Variants in ADCY7 observed in about 807,000 individuals in gnomAD.
ADCY7 encodes the protein adenylate cyclase 7.
Under a neutral mutation model 120.6 loss-of-function variants are expected in ADCY7, and 72 were observed. The ratio of observed to expected loss-of-function variants is 0.60; its 90% confidence interval spans 0.49 to 0.73. ADCY7 has a LOEUF of 0.73. ADCY7 is among the 30% of genes least tolerant of loss of function. The probability of loss-of-function intolerance (pLI) is 0.00; values close to 1 mark genes in which losing one functional copy is unlikely to be tolerated. For missense variants in ADCY7, 1,227 were observed against 1,486.0 expected (o/e 0.83, Z 2.87); for synonymous variants, 661 against 628.0 (o/e 1.05, Z -0.78).
chr16:50,314,324 C>T lies in ADCY7; in HGVS notation c.2889C>T (p.Val963=). ...AGCGGCAGCATGCCCACATTGGTGT[C>T]ATGGTGGAGTTCAGCATCGCCCTGA... ...ELERQHAHIG[V]MVEFSIALMS... Residue 963 remains valine, a synonymous_variant, in exon 24 of 26, where the codon GTC becomes GTT. Coordinates refer to ENST00000673801, the MANE Select transcript of ADCY7 (RefSeq NM_001114.5). 1 of 1,614,044 alleles carries T rather than the reference C, an allele frequency of 6.2e-7. No homozygotes were observed.
rs763867267 is a variant in ADCY7, at chr16:50,307,081, A to G, written c.1784A>G (p.His595Arg). Residue 595 changes from histidine to arginine, a missense_variant, in exon 15 of 26, where the codon CAC becomes CGC. Physicochemically the swap from His to Arg is conservative, Grantham distance 29. Coordinates refer to ENST00000673801, the MANE Select transcript of ADCY7 (RefSeq NM_001114.5). The part of the protein sequence containing the change: ...YRLAPIPRAR[H>R]DFACASLIFV... ...CTGGCACCCATCCCCCGGGCCCGCC[A>G]CGACTTTGCCTGCGCCAGCCTGATC... 9.9e-6 allele frequency: 16 copies of G among 1,610,894 alleles called. No individual in the cohort carries two copies. In the Admixed American group the frequency reaches 1.5e-4, roughly 15 times the overall value.
intron 24 of ADCY7, chr16:50,314,691 C>T: frequency 2.2e-6 from 1 of 463,800 alleles, no homozygotes; most frequent in Admixed American, 3.7e-5. Flanking sequence ...AGTTACTAAA[C>T]CTAAATAGTT....
chr16:50,288,644 A>C (rs2034737083), intron 2 of ADCY7, among the ~76,000 whole-genome samples: 1 of 150,576 alleles, frequency 6.6e-6, no homozygotes, highest in Non-Finnish European at 1.5e-5. Context: ...TGCCCAGCTA[A>C]TTTTTGTATT....
At position 50,288,421 on chromosome 16, in the gene ADCY7, CTCTTCTGTAAAATGCTTA is replaced by C. The variant is rs955365666; in HGVS notation, c.171+88_171+105del. On this transcript the variant is annotated intron_variant, in intron 2 of 25. Coordinates refer to ENST00000673801, the MANE Select transcript of ADCY7 (RefSeq NM_001114.5). Reference sequence around the variant, plus strand: ...GGCCAAGCTGCTATCTTCTCTTAGCCTCTTCTGTAAAATGCTTATCTTCTGTAAAATGCTATGCTTTTT... The same window carrying C: ...GGCCAAGCTGCTATCTTCTCTTAGCCTCTTCTGTAAAATGCTATGCTTTTT... The C allele has an allele frequency of 3.5e-5, 48 of 1,388,024 alleles. No homozygotes were observed. The South Asian group carries it at 4.1e-4, about 12-fold the overall frequency. 86.0% of individuals were successfully genotyped at this position (1,388,024 alleles called of 1,614,324 possible). A position where few individuals can be genotyped will look rare whatever the true frequency, so the allele number is the denominator to read the frequency against.
At chr16:50,292,081 C>T (rs1025725494) in intron 4 of ADCY7, among the ~76,000 whole-genome samples, 184 bp downstream of exon 4, 29 of 152,234 alleles carry the variant, frequency 1.9e-4, no homozygotes, top group African/African-American at 6.5e-4. Context: ...GCCCTGCCCT[C>T]TGGCCTTTGC....
intron 7 of ADCY7, among the ~76,000 whole-genome samples, chr16:50,296,091 C>G (rs1310571330): frequency 6.6e-6 from 1 of 152,270 alleles, no homozygotes; most frequent in South Asian, 2.1e-4. Context: ...CTTGCTCTGT[C>G]ACCTAGCGTG....
rs976163682 is a variant in ADCY7, at chr16:50,310,554, G to C, written c.2161-133G>C. ...ACACTCTTAGGTCTCATTGTTTTTTGTTGAGAAGGGAGGTGGTAAGGCAAG... is the reference window on the plus strand; with the variant it reads ...ACACTCTTAGGTCTCATTGTTTTTTCTTGAGAAGGGAGGTGGTAAGGCAAG... On this transcript the variant is annotated intron_variant, in intron 18 of 25. Transcript: ENST00000673801. 5.8e-6 allele frequency: 9 copies of C among 1,553,442 alleles called. No individual in the cohort carries two copies. The African/African-American group carries it at 9.6e-5, about 17-fold the overall frequency.
intron 1 of ADCY7, among the ~76,000 whole-genome samples, chr16:50,277,797 A>G (rs187884373): frequency 9.9e-4 from 150 of 150,936 alleles, no homozygotes; most frequent in African/African-American, 3.4e-3. Flanking sequence ...CAGCCTCCTG[A>G]GTAGCTGGGA....
chr16:50,278,905 T>C (rs2034080062), intron 1 of ADCY7, among the ~76,000 whole-genome samples: 1 of 149,014 alleles, frequency 6.7e-6, no homozygotes, highest in African/African-American at 2.5e-5. Context: ...AGAGCCTCAC[T>C]CTGTTGCCCA....
At chr16:50,278,663 C>G (rs1036725319) in intron 1 of ADCY7, among the ~76,000 whole-genome samples, 15 of 152,110 alleles carry the variant, frequency 9.9e-5, no homozygotes, top group African/African-American at 3.1e-4. Context: ...TGAGAATTCT[C>G]CCATAGTTTC....
At chr16:50,270,259 G>C (rs778693279) in intron 1 of ADCY7, among the ~76,000 whole-genome samples, 2 of 151,662 alleles carry the variant, frequency 1.3e-5, no homozygotes, top group Admixed American at 6.6e-5. Flanking sequence ...GTAGCCAAGA[G>C]CTGGAAGTTA....
At position 50,313,972 on chromosome 16, in the gene ADCY7, C is replaced by G; in HGVS notation, c.2766C>G (p.Pro922=). 6.2e-7 allele frequency: 1 copy of G among 1,613,860 alleles called. No individual in the cohort carries two copies. The highest frequency in any genetic ancestry group is 8.5e-7 in the Non-Finnish European group (1 of 1,179,778). Residue 922 remains proline (P), a synonymous_variant, in exon 23 of 26, where the codon CCC becomes CCG. Coordinates refer to ENST00000673801, the MANE Select transcript of ADCY7 (RefSeq NM_001114.5). Reference sequence around the variant, plus strand: ...CTTGCCTGCAGCTCCTACTGAAGCCCAAGTTCAGCGGCGTGGAGAAGATCA... The same window carrying G: ...CTTGCCTGCAGCTCCTACTGAAGCCGAAGTTCAGCGGCGTGGAGAAGATCA... ...IADFDELLLK[P]KFSGVEKIKT... is the part of the protein sequence containing the mutation.
chr16:50,259,619 C>T (rs1016206912), intron 1 of ADCY7, among the ~76,000 whole-genome samples: 2 of 152,146 alleles, frequency 1.3e-5, no homozygotes, highest in South Asian at 2.1e-4. Context: ...TGGGCTTTGT[C>T]GCTTACATGA....
rs55881379 is a variant in ADCY7, at chr16:50,317,431, A to G, written c.*1926A>G. ...CAAGTCAGGAAGGTTTCTGTTGCTA[A>G]TATAACATAGAAACACATTAGTGCA... On this transcript the variant is annotated 3_prime_UTR_variant, in exon 26 of 26. Transcript: ENST00000673801. 0.016 allele frequency: 2,463 copies of G among 150,834 alleles called. 33 individuals carry two copies. The highest frequency in any genetic ancestry group is 0.031 in the Middle Eastern group (9 of 294). 9.3% of individuals were successfully genotyped at this position (150,834 alleles called of 1,614,324 possible). A position where few individuals can be genotyped will look rare whatever the true frequency, so the allele number is the denominator to read the frequency against.
rs1377588633 is a variant in ADCY7, at chr16:50,246,205, T to C, written c.-64+2T>C. The C allele has an allele frequency of 6.7e-6, 1 of 149,048 alleles. No homozygotes were observed. The highest frequency in any genetic ancestry group is 1.5e-5 in the Non-Finnish European group (1 of 66,658). 9.2% of individuals were successfully genotyped at this position (149,048 alleles called of 1,614,324 possible). On this transcript the variant is annotated splice_donor_variant, in intron 1 of 4. Coordinates refer to the ADCY7 transcript ENST00000564044. LOFTEE classifies it low-confidence loss of function (5UTR_SPLICE). The stretch of plus-strand genomic sequence containing the variant: ...CGGTGGAGCGGGAGCGCGCAGCAGG[T>C]GAGCGCGGGGCGCGGGGGAGCGCGG...
chr16:50,294,510 T>C (rs2302716), intron 6 of ADCY7, 130 bp from the exon 7 acceptor site: 438,303 of 609,298 alleles, frequency 0.72, 165,746 homozygotes, highest in Middle Eastern at 0.82. Context: ...CTATGGAGGC[T>C]GAGGAAGGAC....
intron 1 of ADCY7, among the ~76,000 whole-genome samples, chr16:50,276,573 G>A (rs1358894997): frequency 1.3e-5 from 2 of 152,226 alleles, no homozygotes; most frequent in Non-Finnish European, 2.9e-5. Context: ...GTTGGGTCAT[G>A]TAATGTATTA....
rs1232193063 is a variant in ADCY7 at position 50,308,337 on chromosome 16, C to T, written c.1861C>T (p.Leu621=). The part of the protein sequence containing the change: ...HVLLMPRTAA[L]GVSFGLVACV... ...TTCCCTCCTCTCCAGGACGGCGGCA[C>T]TGGGTGTGTCCTTCGGGCTGGTGGC... is the stretch of plus-strand genomic sequence containing the variant. Residue 621 remains leucine, a synonymous_variant, in exon 16 of 26, where the codon CTG becomes TTG. Transcript: ENST00000673801. The T allele has an allele frequency of 6.2e-7, 1 of 1,614,084 alleles. No homozygotes were observed. The highest frequency in any genetic ancestry group is 8.5e-7 in the Non-Finnish European group (1 of 1,180,042).
intron 8 of ADCY7, among the ~76,000 whole-genome samples, chr16:50,299,821 C>A (rs2035599166): frequency 1.3e-5 from 2 of 152,188 alleles, no homozygotes; most frequent in African/African-American, 4.8e-5. Flanking sequence ...TTGGTCAGTG[C>A]CCAGCCTTGT....
Sources: gnomAD v4.1 joint callset for allele counts (sites outside exome capture counted in the v4.1 genomes callset) on GRCh38, gnomAD v4.1.1 for gene constraint, MANE v1.5 for transcripts, NCBI Gene and HGNC (gene_info 2026-07-23, HGNC 2026-07-21) for gene names.